The following CSMD1 variants were observed in gnomAD, a reference collection of about 807,000 sequenced individuals.
The protein encoded by CSMD1 is CUB and Sushi multiple domains 1.
A neutral mutation model predicts 417.5 loss-of-function variants in CSMD1; 213 were observed. The ratio of observed to expected loss-of-function variants is 0.51; its 90% confidence interval spans 0.46 to 0.57. CSMD1 has a LOEUF of 0.57. CSMD1 is among the 20% of genes least tolerant of loss of function. The pLI is 0.00. For missense variants in CSMD1, 6,923 were observed against 4,529.7 expected, an observed-to-expected ratio of 1.53 and a Z score of -15.17; for synonymous variants, 2,862 against 1,736.8, an observed-to-expected ratio of 1.65 and a Z score of -16.11.
chr8:4,043,290 A>C (rs7003625), intron 3 of CSMD1, among the ~76,000 whole-genome samples: 112 of 152,154 alleles, frequency 7.4e-4, no homozygotes, highest in Non-Finnish European at 1.4e-3. Context: ...AAAGTACCCA[A>C]TCCAACAAAA....
chr8:4,720,036 T>G (rs1359445333), intron 1 of CSMD1, among the ~76,000 whole-genome samples: 1 of 152,106 alleles, frequency 6.6e-6, no homozygotes, highest in Non-Finnish European at 1.5e-5. Context: ...TCATTAAATA[T>G]TTTAAAGAAA....
intron 49 of CSMD1, among the ~76,000 whole-genome samples, chr8:3,082,859 A>G (rs1302696050): frequency 2.0e-5 from 3 of 152,194 alleles, no homozygotes; most frequent in African/African-American, 7.2e-5. Flanking sequence ...TAAAACCTGT[A>G]ACTCTATCCC....
intron 26 of CSMD1, among the ~76,000 whole-genome samples, chr8:3,272,844 G>A (rs1451341807): frequency 6.6e-6 from 1 of 150,514 alleles, no homozygotes; most frequent in African/African-American, 2.5e-5. Flanking sequence ...GAGACAGTGG[G>A]GTTTTCCAGA....
In CSMD1 at chr8:3,158,094, G is replaced by C; in HGVS notation, c.5845-128C>G. 3.9e-6 allele frequency: 3 copies of C among 760,440 alleles called. No homozygotes were observed. In the East Asian group the frequency reaches 8.6e-5, roughly 22 times the overall value. 47.1% of individuals were successfully genotyped at this position (760,440 alleles called of 1,614,324 possible). ...ATAAATATTTGAAAATTCAAAAATT[G>C]TGAAATCTGTTTTTAGTAATGATTA... On this transcript the variant is annotated intron_variant, in intron 38 of 69. Transcript: ENST00000635120.
chr8:3,669,296 T>C (rs919064613), intron 7 of CSMD1, among the ~76,000 whole-genome samples: 1 of 152,180 alleles, frequency 6.6e-6, no homozygotes, highest in African/African-American at 2.4e-5. Context: ...CATTTTGTCA[T>C]TGTGTTGCCT....
intron 3 of CSMD1, among the ~76,000 whole-genome samples, chr8:4,131,447 T>C (rs1325990430): frequency 1.3e-5 from 2 of 152,316 alleles, no homozygotes; most frequent in East Asian, 1.9e-4. Flanking sequence ...AGGTCAAATA[T>C]ACGATTAAAC....
At chr8:4,634,966 G>A (rs1011305562) in intron 2 of CSMD1, among the ~76,000 whole-genome samples, 7 of 152,104 alleles carry the variant, frequency 4.6e-5, no homozygotes, top group African/African-American at 1.4e-4. Context: ...TGCACTCCTC[G>A]AACGTCTCCT....
chr8:4,842,207 G>A (rs1034478868), intron 1 of CSMD1, among the ~76,000 whole-genome samples: 5 of 152,190 alleles, frequency 3.3e-5, no homozygotes, highest in African/African-American at 1.2e-4. Context: ...GTAAACAGGT[G>A]AATTGAGTGT....
intron 6 of CSMD1, among the ~76,000 whole-genome samples, chr8:3,709,241 C>A (rs1473753749): frequency 6.7e-6 from 1 of 150,336 alleles, no homozygotes; most frequent in East Asian, 2.0e-4. Flanking sequence ...TCTAAGCTAT[C>A]CCACACTTGG....
intron 41 of CSMD1, among the ~76,000 whole-genome samples, chr8:3,136,288 G>A (rs917490889): frequency 1.5e-5 from 2 of 134,468 alleles, no homozygotes; most frequent in African/African-American, 2.9e-5. Flanking sequence ...ATAGAGTTTC[G>A]CTCTGTCACC....
intron 1 of CSMD1, among the ~76,000 whole-genome samples, chr8:4,708,505 A>T (rs990957947): frequency 6.6e-6 from 1 of 152,316 alleles, no homozygotes; most frequent in East Asian, 1.9e-4. Context: ...CAATAACTCA[A>T]TCTGTAGTAA....
At chr8:4,073,724 G>A (rs1171103759) in intron 3 of CSMD1, among the ~76,000 whole-genome samples, 1 of 152,034 alleles carries the variant, frequency 6.6e-6, no homozygotes, top group South Asian at 2.1e-4. Context: ...GACTTGTATA[G>A]ACACCAGCTG....
At chr8:3,795,940 TAG>T (rs1316348303) in intron 5 of CSMD1, among the ~76,000 whole-genome samples, 5 of 51,768 alleles carry the variant, frequency 9.7e-5, no homozygotes, top group African/African-American at 1.5e-4. Context: ...TGTACAGATA[TAG>T]ATATCTATCA....
intron 26 of CSMD1, among the ~76,000 whole-genome samples, chr8:3,273,705 C>G (rs1003682353): frequency 3.3e-5 from 5 of 152,124 alleles, no homozygotes; most frequent in Non-Finnish European, 5.9e-5. Context: ...TCTAGATTTT[C>G]TAGTTTATTT....
chr8:3,928,779 C>T, intron 5 of CSMD1, among the ~76,000 whole-genome samples: 1 of 140,688 alleles, frequency 7.1e-6, no homozygotes, highest in African/African-American at 2.6e-5. Context: ...TCCCACCCAC[C>T]CCGCCCACCC....
At chr8:4,305,514 A>C (rs1259450848) in intron 3 of CSMD1, among the ~76,000 whole-genome samples, 1 of 152,226 alleles carries the variant, frequency 6.6e-6, no homozygotes, top group Non-Finnish European at 1.5e-5. Flanking sequence ...CTGAGGGCAG[A>C]GCGGTGTCAC....
At chr8:4,378,684 T>C (rs751168319) in intron 3 of CSMD1, among the ~76,000 whole-genome samples, 2 of 152,204 alleles carry the variant, frequency 1.3e-5, no homozygotes, top group Non-Finnish European at 2.9e-5. Context: ...CTGTCCCTGC[T>C]CAAATGTTGA....
At chr8:4,027,884 G>C (rs537996168) in intron 4 of CSMD1, among the ~76,000 whole-genome samples, 52 of 152,260 alleles carry the variant, frequency 3.4e-4, no homozygotes, top group African/African-American at 1.2e-3. Context: ...CAAAGACACA[G>C]TAACTTTGAT....
chr8:4,051,307 T>C (rs1349576258), intron 3 of CSMD1, among the ~76,000 whole-genome samples: 1 of 58,148 alleles, frequency 1.7e-5, no homozygotes, highest in Admixed American at 1.4e-4. Flanking sequence ...TTTTGAAGAC[T>C]CAAAAAAAAA....
Sources: gnomAD v4.1 joint callset for allele counts (sites outside exome capture counted in the v4.1 genomes callset) on GRCh38, gnomAD v4.1.1 for gene constraint, MANE v1.5 for transcripts, NCBI Gene and HGNC (gene_info 2026-07-23, HGNC 2026-07-21) for gene names.